The following MMP2 variants were observed in gnomAD, a reference collection of about 807,000 sequenced individuals.
MMP2 encodes the protein matrix metallopeptidase 2.
A neutral mutation model predicts 74.8 loss-of-function variants in MMP2; 39 were observed. The observed-to-expected ratio is 0.52, with a 90% confidence interval of 0.40 to 0.68. MMP2 has a LOEUF of 0.68. Ranked by LOEUF, MMP2 falls within the 30% of genes least tolerant of loss-of-function variation. The pLI is 0.00. For missense variants in MMP2, 803 were observed against 878.3 expected, an observed-to-expected ratio of 0.91 and a Z score of 1.08; for synonymous variants, 367 against 339.8, an observed-to-expected ratio of 1.08 and a Z score of -0.88.
intron 12 of MMP2, among the ~76,000 whole-genome samples, chr16:55,503,239 G>A (rs1396763560): frequency 6.6e-6 from 1 of 152,200 alleles, no homozygotes; most frequent in Non-Finnish European, 1.5e-5. Context: ...CAGGAGGCCT[G>A]TGACCACCTC....
intron 3 of MMP2, among the ~76,000 whole-genome samples, chr16:55,484,512 G>A (rs1190970820): frequency 6.6e-6 from 1 of 152,176 alleles, no homozygotes; most frequent in African/African-American, 2.4e-5. Context: ...TGGTCACACT[G>A]GGCACATTTT....
In MMP2 at chr16:55,498,442, T is replaced by C; in HGVS notation, c.1763T>C (p.Phe588Ser). The C allele has an allele frequency of 6.2e-7, 1 of 1,614,126 alleles. No individual in the cohort carries two copies. The highest frequency in any genetic ancestry group is 8.5e-7 in the Non-Finnish European group (1 of 1,180,024). ...KKTYIFAGDK[F>S]WRYNEVKKKM... ...ACATACATCTTTGCTGGAGACAAAT[T>C]CTGGAGGTAAGGGAGGGCGGTGGGT... is the stretch of plus-strand genomic sequence containing the variant. The change falls in exon 11 of 13, where the codon TTC becomes TCC. Residue 588 changes from phenylalanine to serine, a missense_variant. Transcript: ENST00000219070.
At chr16:55,500,538 C>CACACACACACACAG (rs1227112652) in intron 11 of MMP2, among the ~76,000 whole-genome samples, 45 of 147,742 alleles carry the variant, frequency 3.0e-4, no homozygotes, top group African/African-American at 1.0e-3. Flanking sequence ...CACACACACA[C>CACACACACACACAG]AGGCATGGAG....
intron 1 of MMP2, chr16:55,481,567 T>C (rs1962100680): frequency 5.5e-6 from 2 of 361,884 alleles, no homozygotes; most frequent in South Asian, 7.5e-5. Context: ...AATGCATGCC[T>C]GCCCTCCTGG....
rs1055352955 is a variant in MMP2, at chr16:55,485,733, A to C, written c.788A>C (p.Tyr263Ser). The C allele has an allele frequency of 1.9e-6, 3 of 1,613,986 alleles. No homozygotes were observed. The Admixed American group carries it at 5.0e-5, about 27-fold the overall frequency. ...GGCTTCCTCTGGTGCTCCACCACCT[A>C]CAACTTTGAGAAGGATGGCAAGTAC... The part of the protein sequence containing the change: ...SDGFLWCSTT[Y>S]NFEKDGKYGF... The change falls in exon 5 of 13, where the codon TAC becomes TCC. Residue 263 changes from tyrosine (Y) to serine (S), a missense_variant. By Grantham distance (144) the Tyr-to-Ser change is moderately radical. Coordinates refer to ENST00000219070, the MANE Select transcript of MMP2 (RefSeq NM_004530.6).
chr16:55,482,314 T>C (rs1446799228), intron 1 of MMP2, among the ~76,000 whole-genome samples: 2 of 152,206 alleles, frequency 1.3e-5, no homozygotes, highest in Non-Finnish European at 2.9e-5. Flanking sequence ...ATTCAGGATT[T>C]AAACCCAGGT....
chr16:55,489,156 A>G (rs1962337744), intron 6 of MMP2, among the ~76,000 whole-genome samples: 3 of 151,502 alleles, frequency 2.0e-5, no homozygotes, highest in Non-Finnish European at 4.4e-5. Context: ...CCTCCTCTCT[A>G]TCCCTCCCTC....
chr16:55,479,992 G>C (rs1353766393), intron 1 of MMP2: 1 of 288,888 alleles, frequency 3.5e-6, no homozygotes, highest in African/African-American at 2.4e-5. Context: ...GGGGGGGGGC[G>C]GTCTTTGTAA....
At chr16:55,480,458 G>T (rs34871383) in intron 1 of MMP2, 1 of 152,338 alleles carries the variant, frequency 6.6e-6, no homozygotes, top group African/African-American at 2.4e-5. Flanking sequence ...TGGGGCGGGG[G>T]CGGACTGCGC....
chr16:55,500,324 G>T (rs243836), intron 11 of MMP2, among the ~76,000 whole-genome samples: 1 of 151,710 alleles, frequency 6.6e-6, no homozygotes, highest in African/African-American at 2.4e-5. Context: ...CTGGTGAGCC[G>T]CACAGACTCA....
intron 12 of MMP2, among the ~76,000 whole-genome samples, 165 bp from the exon 13 acceptor site, chr16:55,505,174 C>T (rs1335023986): frequency 6.6e-6 from 1 of 152,072 alleles, no homozygotes; most frequent in Non-Finnish European, 1.5e-5. Flanking sequence ...AAGCTGGTCT[C>T]GAACTCCTGG....
At chr16:55,498,496 A>G (rs1962587498) in intron 11 of MMP2, 48 bp downstream of exon 11, 3 of 1,613,232 alleles carry the variant, frequency 1.9e-6, no homozygotes, top group Non-Finnish European at 2.5e-6. Context: ...GCTGCGAGAG[A>G]CAGAGAAGCC....
intron 11 of MMP2, 126 bp downstream of exon 11, chr16:55,498,574 T>C (rs1294102258): frequency 8.1e-7 from 1 of 1,230,504 alleles, no homozygotes; most frequent in Admixed American, 1.8e-5. Context: ...CTCTCTCTGG[T>C]ATCTAACCTC....
At position 55,485,236 on chromosome 16, in the gene MMP2, G is replaced by T. The variant is rs1286272690; in HGVS notation, c.530-63G>T. 2.0e-6 allele frequency: 3 copies of T among 1,511,934 alleles called. No homozygotes were observed. The East Asian group carries it at 8.4e-5, about 42-fold the overall frequency. The allele number at this position is 1,511,934 out of a possible 1,614,324, so 93.7% of individuals were successfully genotyped here. A position where few individuals can be genotyped will look rare whatever the true frequency, so the allele number is the denominator to read the frequency against. On this transcript the variant is annotated intron_variant, in intron 3 of 12. Transcript: ENST00000219070. ...CTGACAGGCTCCACATGTAGATGGG[G>T]TGTGGAGGGGTTTCAGGGTCTAGGT... is the stretch of plus-strand genomic sequence containing the variant.
At chr16:55,498,700 G>A (rs1962593102) in intron 11 of MMP2, among the ~76,000 whole-genome samples, 1 of 152,222 alleles carries the variant, frequency 6.6e-6, no homozygotes, top group South Asian at 2.1e-4. Flanking sequence ...ATTGGCCCAT[G>A]TCTGGTCTGG....
chr16:55,499,168 C>CAAAAA (rs57058103), intron 11 of MMP2, among the ~76,000 whole-genome samples: 1 of 132,034 alleles, frequency 7.6e-6, no homozygotes. Context: ...GACTCCAACT[C>CAAAAA]AAAAAAAAAA....
intron 9 of MMP2, among the ~76,000 whole-genome samples, chr16:55,495,006 C>G (rs1163807380): frequency 1.1e-4 from 16 of 152,212 alleles, no homozygotes; most frequent in Admixed American, 9.8e-4. Context: ...CATAAACTTT[C>G]AGGAAGAGTT....
chr16:55,498,123 C>T (rs1962574581), intron 10 of MMP2, among the ~76,000 whole-genome samples, 166 bp from the exon 11 acceptor site: 1 of 152,190 alleles, frequency 6.6e-6, no homozygotes, highest in African/African-American at 2.4e-5. Flanking sequence ...CTTCTAAAGC[C>T]CTCTGTGTGA....
At chr16:55,498,074 C>T (rs1160013961) in intron 10 of MMP2, among the ~76,000 whole-genome samples, 1 of 152,126 alleles carries the variant, frequency 6.6e-6, no homozygotes, top group Non-Finnish European at 1.5e-5. Flanking sequence ...GGATTTATCC[C>T]CCAACTCATG....
Sources: gnomAD v4.1 joint callset for allele counts (sites outside exome capture counted in the v4.1 genomes callset) on GRCh38, gnomAD v4.1.1 for gene constraint, MANE v1.5 for transcripts, NCBI Gene and HGNC (gene_info 2026-07-23, HGNC 2026-07-21) for gene names.